Variants in KCNIP2 observed in about 807,000 individuals in gnomAD.
KCNIP2 encodes the protein A-type potassium channel modulatory protein KCNIP2.
In KCNIP2, 19 loss-of-function variants were observed where a neutral mutation model predicts 39.0. The ratio of observed to expected loss-of-function variants is 0.49; its 90% CI spans 0.34 to 0.71. The LOEUF (loss-of-function observed/expected upper bound fraction) is 0.71. Ranked by LOEUF, KCNIP2 falls within the 30% of genes least tolerant of loss-of-function variation. The pLI is 0.01. For missense variants in KCNIP2, 261 were observed against 346.0 expected (o/e 0.75, Z 1.95); for synonymous variants, 111 against 131.2 (o/e 0.85, Z 1.05).
Position 101,828,759 on chromosome 10 carries a change from C to T in KCNIP2, c.349-63G>A. On this transcript the variant is annotated intron_variant, in intron 4 of 9. Transcript: ENST00000356640. The surrounding 1 kb of genome is among the most constrained non-coding windows in gnomAD (Gnocchi z 6.6). ...AATCCCCTTCCGTTCACCGCCCCCA[C>T]CCTCCATGGCCCAAGACTCCCAGGG... 6.2e-7 allele frequency: 1 copy of T among 1,613,042 alleles called. No homozygotes were observed. Among genetic ancestry groups the T allele is most frequent in the Non-Finnish European group, 8.5e-7 (1 of 1,179,296 alleles).
intron 1 of KCNIP2, among the ~76,000 whole-genome samples, chr10:101,836,078 G>C (rs190277855): frequency 1.5e-3 from 232 of 152,274 alleles, no homozygotes; most frequent in Non-Finnish European, 1.8e-3. Context: ...TGGGATGACT[G>C]TGTCTCAGCC....
Position 101,829,187 on chromosome 10 carries a change from T to C in KCNIP2, c.236A>G (p.Asp79Gly), listed in dbSNP as rs776653520. The C allele has an allele frequency of 3.1e-6, 5 of 1,613,394 alleles. No individual in the cohort carries two copies. The highest frequency in any genetic ancestry group is 1.3e-5 in the African/African-American group (1 of 74,920). Residue 79 changes from aspartate to glycine, a missense_variant, in exon 4 of 10, where the codon GAT (aspartate) becomes GGT (glycine). Physicochemically the swap from Asp to Gly is moderately conservative, Grantham distance 94 (BLOSUM62 -1). Coordinates refer to ENST00000356640, the MANE Select transcript of KCNIP2 (RefSeq NM_173191.3). Reference sequence around the variant, plus strand: ...ACACACGGTGGACAATTCAAATTCATCGTCCACGCTGTCTGCGGGAGCGGT... The same window carrying C: ...ACACACGGTGGACAATTCAAATTCACCGTCCACGCTGTCTGCGGGAGCGGT... The part of the protein sequence containing the change: ...PRLLDPDSVD[D>G]EFELSTVCHR...
rs776347690 is a variant in KCNIP2 at position 101,828,684 on chromosome 10, C to A, written c.361G>T (p.Gly121Ter). 1 of 1,614,134 alleles carries A rather than the reference C, an allele frequency of 6.2e-7. No individual in the cohort carries two copies. The highest frequency in any genetic ancestry group is 8.5e-7 in the Non-Finnish European group (1 of 1,180,024). ...TTGAAGTTCTCCTCATTGACAATTC[C>A]GCTGGGACATTCCTGGAAGGAGAGG... Reference protein sequence around the residue: ...YRGFKNECPSGIVNEENFKQI... With the variant: ...YRGFKNECPS Residue 121 changes from glycine (G) to a stop codon, truncating the protein, a stop_gained, in exon 5 of 10, where the codon GGA becomes TGA. Transcript: ENST00000356640. LOFTEE classifies it high-confidence loss of function. The surrounding 1 kb of genome is among the most constrained non-coding windows in gnomAD (Gnocchi z 6.6).
chr10:101,841,793 C>T (rs1589883876), intron 1 of KCNIP2, among the ~76,000 whole-genome samples: 1 of 152,192 alleles, frequency 6.6e-6, no homozygotes, highest in African/African-American at 2.4e-5. Flanking sequence ...GATGGTTTCA[C>T]TAAGGGTGAG....
chr10:101,830,173 G>T (rs1176192757), intron 2 of KCNIP2, among the ~76,000 whole-genome samples: 1 of 152,204 alleles, frequency 6.6e-6, no homozygotes, highest in Non-Finnish European at 1.5e-5. Flanking sequence ...GCAAAATGCA[G>T]TATGATCCTA....
chr10:101,828,939 T>A lies in KCNIP2; in HGVS notation c.348+136A>T. ...CTGGCCCCGCCCCAGAACCTCCAGC[T>A]AGAAGTTCAGTCTCAGGGCCTTGCC... On this transcript the variant is annotated intron_variant, in intron 4 of 9. Coordinates refer to ENST00000356640, the MANE Select transcript of KCNIP2 (RefSeq NM_173191.3). The surrounding 1 kb of genome is among the most constrained non-coding windows in gnomAD (Gnocchi z 6.6). 6.6e-7 allele frequency: 1 copy of A among 1,506,510 alleles called. No individual in the cohort carries two copies. The highest frequency in any genetic ancestry group is 8.9e-7 in the Non-Finnish European group (1 of 1,122,310). 93.3% of individuals were successfully genotyped at this position (1,506,510 alleles called of 1,614,324 possible).
rs1338929783 is a variant in KCNIP2 at position 101,843,017 on chromosome 10, T to C, written c.73+479A>G. ...AGAATTACACACTCACAACACATCG[T>C]TGCACATAGAGACACATGGTCAAAA... is the stretch of plus-strand genomic sequence containing the variant. On this transcript the variant is annotated intron_variant, in intron 1 of 9. Transcript: ENST00000356640. This position sits in a 1 kb window ranked among gnomAD's most constrained non-coding sequence, Gnocchi z 6.7. Among the ~76,000 whole-genome samples, 2 of 152,152 alleles carry C rather than the reference T, an allele frequency of 1.3e-5. No homozygotes were observed. The highest frequency in any genetic ancestry group is 2.9e-5 in the Non-Finnish European group (2 of 68,030).
Position 101,828,458 on chromosome 10 carries a change from G to A in KCNIP2, c.420C>T (p.Asp140=). ...QIYSQFFPQG[D]SSTYATFLFN... ...AGAGAAAAGTGGCATAGGTGCTGGA[G>A]TCTGCAGGGTGAGTGTGGAGAAGTT... The change falls in exon 6 of 10, where the codon GAC becomes GAT. Residue 140 remains aspartate, a splice_region_variant and synonymous_variant. Transcript: ENST00000356640. This position sits in a 1 kb window ranked among gnomAD's most constrained non-coding sequence, Gnocchi z 6.6. 1.2e-6 allele frequency: 2 copies of A among 1,614,054 alleles called. No homozygotes were observed. Among genetic ancestry groups the A allele is most frequent in the East Asian group, 2.2e-5 (1 of 44,874 alleles).
chr10:101,828,718 C>T lies in KCNIP2; in HGVS notation c.349-22G>A, dbSNP rs1332155973. ...ATTCCTGGAAGGAGAGGGCACCAGGCTGAGGGCAGAGACAAAATCCCCTTC... is the reference window on the plus strand; with the variant it reads ...ATTCCTGGAAGGAGAGGGCACCAGGTTGAGGGCAGAGACAAAATCCCCTTC... On this transcript the variant is annotated intron_variant, in intron 4 of 9. Transcript: ENST00000356640. The surrounding 1 kb of genome is among the most constrained non-coding windows in gnomAD (Gnocchi z 6.6). 6.2e-7 allele frequency: 1 copy of T among 1,614,018 alleles called. No individual in the cohort carries two copies. The highest frequency in any genetic ancestry group is 1.3e-5 in the African/African-American group (1 of 74,906).
At chr10:101,833,128 A>G (rs1311666275) in intron 1 of KCNIP2, among the ~76,000 whole-genome samples, 2 of 152,066 alleles carry the variant, frequency 1.3e-5, no homozygotes, top group Non-Finnish European at 2.9e-5. Flanking sequence ...TCTTCCAGGT[A>G]TCTACCCTGC....
At chr10:101,834,655 T>A (rs1243945966) in intron 1 of KCNIP2, among the ~76,000 whole-genome samples, 3 of 152,168 alleles carry the variant, frequency 2.0e-5, no homozygotes, top group African/African-American at 7.2e-5. Context: ...GAGGGAGCAG[T>A]GACCCGCCTC....
At chr10:101,835,062 T>A (rs1463391193) in intron 1 of KCNIP2, among the ~76,000 whole-genome samples, 2 of 152,026 alleles carry the variant, frequency 1.3e-5, no homozygotes, top group Non-Finnish European at 2.9e-5. Flanking sequence ...TATTTGTGAG[T>A]GTGCATGGGG....
intron 2 of KCNIP2, among the ~76,000 whole-genome samples, 160 bp downstream of exon 2, chr10:101,830,912 C>T (rs1446378070): frequency 6.7e-6 from 1 of 149,502 alleles, no homozygotes; most frequent in African/African-American, 2.5e-5. Context: ...CTGGGGCAGG[C>T]CCCACCCCCA....
In KCNIP2 at chr10:101,827,973, C is replaced by T. The variant is rs937234511; in HGVS notation, c.618G>A (p.Lys206=). The T allele has an allele frequency of 6.2e-7, 1 of 1,613,480 alleles. No individual in the cohort carries two copies. The highest frequency in any genetic ancestry group is 8.5e-7 in the Non-Finnish European group (1 of 1,179,510). ...ITKEEMLDIM[K]SIYDMMGKYT... ...ACTTGCCCATCATGTCATAGATGGA[C>T]TTCATGATGTCAAGCATTTCCTGTT... The change falls in exon 8 of 10, where the codon AAG becomes AAA. Residue 206 remains lysine, a synonymous_variant. Transcript: ENST00000356640.
In KCNIP2 at chr10:101,829,203, C is replaced by A. The variant is rs936795084; in HGVS notation, c.224-4G>T. ...TCAAATTCATCGTCCACGCTGTCTG[C>A]GGGAGCGGTGAGGACAGCCGCGCCT... On this transcript the variant is annotated splice_region_variant and splice_polypyrimidine_tract_variant and intron_variant, in intron 3 of 9. Coordinates refer to ENST00000356640, the MANE Select transcript of KCNIP2 (RefSeq NM_173191.3). 1 of 1,610,244 alleles carries A rather than the reference C, an allele frequency of 6.2e-7. No homozygotes were observed. Among genetic ancestry groups the A allele is most frequent in the Admixed American group, 1.7e-5 (1 of 59,774 alleles).
chr10:101,830,681 CCA>C (rs61337190), intron 2 of KCNIP2, among the ~76,000 whole-genome samples: 38,389 of 144,674 alleles, frequency 0.27, 5,077 homozygotes, highest in East Asian at 0.56. Context: ...CTGGTCACGC[CCA>C]CACACACACA....
intron 1 of KCNIP2, chr10:101,839,963 C>G (rs568488647): frequency 1.0e-4 from 89 of 863,658 alleles, no homozygotes; most frequent in Non-Finnish European, 1.4e-4. Context: ...GGCATAGGAT[C>G]GAAACCCTGG....
At chr10:101,835,541 A>C in intron 1 of KCNIP2, among the ~76,000 whole-genome samples, 1 of 152,050 alleles carries the variant, frequency 6.6e-6, no homozygotes, top group Non-Finnish European at 1.5e-5. Context: ...AGGAACTGTT[A>C]TTGAGCTGAT....
At position 101,829,031 on chromosome 10, in the gene KCNIP2, C is replaced by T. The variant is rs771511776; in HGVS notation, c.348+44G>A. ...GGGAAGCTGTGGACCGGCTTGGGTC[C>T]TCCTGTCCCACCCTCGCTGAGTTTG... On this transcript the variant is annotated intron_variant, in intron 4 of 9. Transcript: ENST00000356640. The T allele has an allele frequency of 3.1e-6, 5 of 1,599,178 alleles. No homozygotes were observed. The South Asian group carries it at 5.6e-5, about 18-fold the overall frequency.
Sources: allele counts gnomAD v4.1 joint callset (sites outside exome capture counted in the v4.1 genomes callset), GRCh38; gene constraint gnomAD v4.1.1; non-coding constraint Gnocchi (gnomAD v3.1); transcripts MANE v1.5; gene names NCBI Gene and HGNC (gene_info 2026-07-23, HGNC 2026-07-21).